The following ADORA2B variants were observed in gnomAD, a reference collection of about 807,000 sequenced individuals.
ADORA2B encodes adenosine receptor A2b.
ADORA2B carries 18 observed loss-of-function variants against 20.8 expected under a neutral mutation model. That is an observed-to-expected ratio of 0.87 (90% CI 0.60 to 1.29). The LOEUF (loss-of-function observed/expected upper bound fraction) is 1.29, where lower values mean the gene tolerates loss of function less well. Among genes scored for constraint, ADORA2B ranks in the 50% most tolerant of loss-of-function variants. The pLI is 0.00. For missense variants in ADORA2B, 441 were observed against 422.7 expected, an observed-to-expected ratio of 1.04 and a Z score of -0.38; for synonymous variants, 179 against 178.3, an observed-to-expected ratio of 1.00 and a Z score of -0.03.
At chr17:15,954,626 G>A (rs1434117916) in intron 1 of ADORA2B, among the ~76,000 whole-genome samples, 1 of 152,140 alleles carries the variant, frequency 6.6e-6, no homozygotes, top group African/African-American at 2.4e-5. Flanking sequence ...TTTTGGCCTG[G>A]TGCAATGGCT....
the ADORA2B span, among the ~76,000 whole-genome samples, chr17:15,863,854 C>T: frequency 3.9e-5 from 6 of 152,208 alleles, no homozygotes; most frequent in Non-Finnish European, 5.9e-5. Flanking sequence ...AGACTCATGA[C>T]AGTCAGGAGG....
chr17:15,894,804 T>G, the ADORA2B span, among the ~76,000 whole-genome samples: 1 of 152,140 alleles, frequency 6.6e-6, no homozygotes, highest in Non-Finnish European at 1.5e-5. Flanking sequence ...TTACTCCACA[T>G]CAGGATTTAA....
chr17:15,878,176 T>C, the ADORA2B span, among the ~76,000 whole-genome samples: 5 of 73,362 alleles, frequency 6.8e-5, no homozygotes, highest in East Asian at 7.9e-4. Flanking sequence ...TGTGTGTGTG[T>C]GTGTGTATAC....
the ADORA2B span, among the ~76,000 whole-genome samples, chr17:15,885,755 T>G: frequency 6.6e-6 from 1 of 151,308 alleles, no homozygotes; most frequent in Non-Finnish European, 1.5e-5. Context: ...AAATGTGAAG[T>G]TGGAAGAACA....
At chr17:15,876,600 T>C in the ADORA2B span, among the ~76,000 whole-genome samples, 1 of 152,078 alleles carries the variant, frequency 6.6e-6, no homozygotes, top group African/African-American at 2.4e-5. Flanking sequence ...CTAATTATCA[T>C]ATTTTTTTCT....
the ADORA2B span, chr17:15,908,624 C>A: frequency 5.4e-6 from 1 of 184,928 alleles, no homozygotes; most frequent in South Asian, 1.1e-4. Context: ...CAAGTACTTT[C>A]GGACGTAACC....
At chr17:15,902,077 T>C in the ADORA2B span, among the ~76,000 whole-genome samples, 2 of 152,202 alleles carry the variant, frequency 1.3e-5, no homozygotes, top group African/African-American at 4.8e-5. Flanking sequence ...ACTTTCTGTC[T>C]CTGTGAATCT....
the ADORA2B span, among the ~76,000 whole-genome samples, chr17:15,903,812 T>C: frequency 2.6e-5 from 4 of 152,174 alleles, no homozygotes; most frequent in Admixed American, 2.6e-4. Context: ...TTTGGTATTA[T>C]CATTTTTTAG....
At chr17:15,903,455 TAGAA>T in the ADORA2B span, among the ~76,000 whole-genome samples, 1 of 152,360 alleles carries the variant, frequency 6.6e-6, no homozygotes, top group East Asian at 1.9e-4. Context: ...AAATTTTACT[TAGAA>T]AGGCCTACTT....
chr17:15,871,876 C>G, the ADORA2B span, among the ~76,000 whole-genome samples: 1 of 152,152 alleles, frequency 6.6e-6, no homozygotes, highest in African/African-American at 2.4e-5. Flanking sequence ...TAGCTGTGGC[C>G]ATGACTTCAT....
chr17:15,904,468 A>G, the ADORA2B span, among the ~76,000 whole-genome samples: 10 of 150,256 alleles, frequency 6.7e-5, no homozygotes, highest in African/African-American at 2.2e-4. Context: ...GCTCACTGCA[A>G]GCTCCACCTC....
the ADORA2B span, among the ~76,000 whole-genome samples, chr17:15,851,600 C>G: frequency 1.3e-5 from 2 of 152,210 alleles, no homozygotes; most frequent in African/African-American, 2.4e-5. Context: ...TTTCTACTCC[C>G]TGTACCTTCC....
intron 1 of ADORA2B, among the ~76,000 whole-genome samples, chr17:15,947,141 G>A (rs991136959): frequency 6.6e-6 from 1 of 152,180 alleles, no homozygotes; most frequent in Non-Finnish European, 1.5e-5. Flanking sequence ...AGGTGTGACA[G>A]CCCAGGGATT....
chr17:15,974,439 C>T, intron 1 of ADORA2B: 1 of 466,238 alleles, frequency 2.1e-6, no homozygotes, highest in African/African-American at 1.9e-5. Context: ...ATTGGCCATC[C>T]TGTGTCACTA....
At chr17:15,921,712 T>A in the ADORA2B span, among the ~76,000 whole-genome samples, 2 of 152,120 alleles carry the variant, frequency 1.3e-5, no homozygotes, top group Admixed American at 6.6e-5. Context: ...TCCCTTCTCA[T>A]TAAAAAAAGA....
At chr17:15,949,074 G>A (rs560703283) in intron 1 of ADORA2B, among the ~76,000 whole-genome samples, 8 of 152,102 alleles carry the variant, frequency 5.3e-5, no homozygotes, top group African/African-American at 1.9e-4. Context: ...TGGGTGTGGT[G>A]GTGGGTGCCT....
At chr17:15,886,132 T>G in the ADORA2B span, among the ~76,000 whole-genome samples, 4 of 152,312 alleles carry the variant, frequency 2.6e-5, no homozygotes, top group African/African-American at 9.6e-5. Context: ...CCATTTCACT[T>G]AACATCACAG....
the ADORA2B span, among the ~76,000 whole-genome samples, chr17:15,920,151 T>C: frequency 6.6e-6 from 1 of 152,130 alleles, no homozygotes; most frequent in African/African-American, 2.4e-5. Context: ...TCATTATAAA[T>C]GGGAGCTAAA....
the ADORA2B span, among the ~76,000 whole-genome samples, chr17:15,872,106 G>GC: frequency 6.6e-6 from 1 of 152,154 alleles, no homozygotes; most frequent in South Asian, 2.1e-4. Context: ...ATGAGTGTTT[G>GC]CCAGGGGCTG....
Sources: allele counts gnomAD v4.1 joint callset (sites outside exome capture counted in the v4.1 genomes callset), GRCh38; gene constraint gnomAD v4.1.1; transcripts MANE v1.5; gene names NCBI Gene and HGNC (gene_info 2026-07-23, HGNC 2026-07-21).